Variants in ADAMTS16 observed in about 807,000 individuals in gnomAD.
ADAMTS16 encodes the protein A disintegrin and metalloproteinase with thrombospondin motifs 16.
In ADAMTS16, 94 loss-of-function variants were observed where a neutral mutation model predicts 145.8. That is an observed-to-expected ratio of 0.64 (90% CI 0.55 to 0.77). The LOEUF is 0.77. Among genes scored for constraint, ADAMTS16 ranks in the 30% least tolerant of loss-of-function variants. ADAMTS16 has a pLI of 0.00. For synonymous variants in ADAMTS16, 659 were observed against 604.3 expected (o/e 1.09, Z -1.33); for missense variants, 1,585 against 1,591.5 (o/e 1.00, Z 0.07).
chr5:5,239,178 T>A lies in ADAMTS16; in HGVS notation c.2182T>A (p.Ser728Thr). 1.3e-6 allele frequency: 2 copies of A among 1,587,130 alleles called. No homozygotes were observed. The highest frequency in any genetic ancestry group is 1.7e-6 in the Non-Finnish European group (2 of 1,168,596). The change falls in exon 15 of 23, where the codon TCT (serine) becomes ACT (threonine). Residue 728 changes from serine (S) to threonine (T), a missense_variant. Coordinates refer to ENST00000274181, the MANE Select transcript of ADAMTS16 (RefSeq NM_139056.4). ...ERVGCDNVLG[S>T]DAVEDVCGVC... is the part of the protein sequence containing the mutation. ...AGTTGGATGTGACAATGTCCTTGGA[T>A]CTGATGCTGTTGAAGACGTCTGTGG...
intron 21 of ADAMTS16, among the ~76,000 whole-genome samples, chr5:5,311,032 T>C (rs890645181): frequency 1.3e-5 from 2 of 151,976 alleles, no homozygotes; most frequent in African/African-American, 4.8e-5. Context: ...GCAATTGGAC[T>C]CCTCCCGTGT....
intron 3 of ADAMTS16, among the ~76,000 whole-genome samples, chr5:5,150,383 G>C (rs140781274): frequency 8.5e-5 from 13 of 152,308 alleles, no homozygotes; most frequent in African/African-American, 3.1e-4. Flanking sequence ...TTATTACTTA[G>C]AGATAGGTAG....
chr5:5,285,702 G>T (rs897484597), intron 18 of ADAMTS16, among the ~76,000 whole-genome samples: 3 of 152,212 alleles, frequency 2.0e-5, no homozygotes, highest in African/African-American at 7.2e-5. Flanking sequence ...TCTGACTGTA[G>T]ATGGTTCAGA....
In ADAMTS16 at chr5:5,211,257, G is replaced by A. The variant is rs374848738; in HGVS notation, c.1605+2011G>A. 1.5e-3 allele frequency among the ~76,000 whole-genome samples: 234 copies of A among 152,164 alleles called. 1 individual carries two copies. Among genetic ancestry groups the A allele is most frequent in the African/African-American group, 3.8e-3 (157 of 41,526 alleles). On this transcript the variant is annotated intron_variant, in intron 10 of 22. Coordinates refer to ENST00000274181, the MANE Select transcript of ADAMTS16 (RefSeq NM_139056.4). The stretch of plus-strand genomic sequence containing the variant: ...TGATTCAACTACACTAATAGATAAA[G>A]GGTTATTCAGAAGACACTCCTAACT...
intron 18 of ADAMTS16, among the ~76,000 whole-genome samples, chr5:5,272,885 C>A (rs1738537883): frequency 6.6e-6 from 1 of 152,208 alleles, no homozygotes; most frequent in African/African-American, 2.4e-5. Flanking sequence ...GGGTGTGAGC[C>A]TCCAAGGTCC....
chr5:5,289,636 T>C (rs536165718), intron 18 of ADAMTS16, among the ~76,000 whole-genome samples: 14 of 152,358 alleles, frequency 9.2e-5, no homozygotes, highest in African/African-American at 3.1e-4. Flanking sequence ...ATAAGTAGAA[T>C]TGGTTAAATC....
At chr5:5,287,688 G>C (rs571594806) in intron 18 of ADAMTS16, among the ~76,000 whole-genome samples, 1 of 152,350 alleles carries the variant, frequency 6.6e-6, no homozygotes, top group African/African-American at 2.4e-5. Context: ...GACGGTGTCA[G>C]CTTGCTTGCG....
intron 12 of ADAMTS16, among the ~76,000 whole-genome samples, chr5:5,234,148 A>C (rs10067097): frequency 0.41 from 62,073 of 152,112 alleles, 12,933 homozygotes; most frequent in African/African-American, 0.49. Flanking sequence ...CCCCTACGCC[A>C]CGCTGTACCC....
rs1289137558 is a variant in ADAMTS16 at position 5,317,961 on chromosome 5, C to T, written c.3412-173C>T. Reference sequence around the variant, plus strand: ...GCTTCTGGAAAAGGTGAGCAGGGACCGTGCTCACTCGCGCACATCGTGGCC... The same window carrying T: ...GCTTCTGGAAAAGGTGAGCAGGGACTGTGCTCACTCGCGCACATCGTGGCC... On this transcript the variant is annotated intron_variant, in intron 21 of 22. Transcript: ENST00000274181. The surrounding 1 kb of genome is among the most constrained non-coding windows in gnomAD (Gnocchi z 4.5). Among the ~76,000 whole-genome samples the T allele has an allele frequency of 6.6e-6, 1 of 152,228 alleles. No homozygotes were observed. The highest frequency in any genetic ancestry group is 1.5e-5 in the Non-Finnish European group (1 of 68,034).
chr5:5,241,600 T>G (rs923227003), intron 16 of ADAMTS16, among the ~76,000 whole-genome samples: 4 of 152,190 alleles, frequency 2.6e-5, no homozygotes, highest in African/African-American at 7.2e-5. Context: ...TTTGCTCAGA[T>G]GCAGGGATTT....
At chr5:5,221,298 C>G (rs1736598946) in intron 10 of ADAMTS16, among the ~76,000 whole-genome samples, 2 of 152,022 alleles carry the variant, frequency 1.3e-5, no homozygotes, top group South Asian at 4.1e-4. Context: ...ACAGAGGCCC[C>G]TGACACCATA....
chr5:5,153,123 T>C (rs1294755071), intron 3 of ADAMTS16, among the ~76,000 whole-genome samples: 3 of 152,230 alleles, frequency 2.0e-5, no homozygotes, highest in Admixed American at 1.3e-4. Context: ...TGAATTTGCA[T>C]TGTGTCACCT....
chr5:5,188,695 A>G (rs1579298187), intron 6 of ADAMTS16, among the ~76,000 whole-genome samples: 1 of 152,184 alleles, frequency 6.6e-6, no homozygotes, highest in Non-Finnish European at 1.5e-5. Context: ...AAGATCTAAG[A>G]TGCCTTCGAT....
At chr5:5,292,751 G>A (rs1739383946) in intron 18 of ADAMTS16, among the ~76,000 whole-genome samples, 2 of 152,024 alleles carry the variant, frequency 1.3e-5, no homozygotes, top group South Asian at 4.1e-4. Flanking sequence ...TTGCCCTGCT[G>A]TCACCATAAC....
chr5:5,140,455 G>T lies in ADAMTS16; in HGVS notation c.-13G>T. 8.6e-6 allele frequency: 13 copies of T among 1,504,106 alleles called. No individual in the cohort carries two copies. The highest frequency in any genetic ancestry group is 9.7e-6 in the Non-Finnish European group (11 of 1,134,968). 93.2% of individuals were successfully genotyped at this position (1,504,106 alleles called of 1,614,324 possible). ...ACCCTCCGGTGGCCCCTAGCCCCTC[G>T]GAGCGCTCCTGGATGAAGCCCCGCG... On this transcript the variant is annotated 5_prime_UTR_variant, in exon 1 of 23. Transcript: ENST00000274181.
Position 5,146,210 on chromosome 5 carries a change from A to C in ADAMTS16, c.256A>C (p.Arg86=), listed in dbSNP as rs765390934. 10 of 1,614,044 alleles carry C rather than the reference A, an allele frequency of 6.2e-6. No individual in the cohort carries two copies. The highest frequency in any genetic ancestry group is 7.6e-6 in the Non-Finnish European group (9 of 1,180,034). ...TGAAATCATGCACCATCAGCGGCGGAGAAGAGCAGTGCCCGTGTCCGAGGT... is the reference window on the plus strand; with the variant it reads ...TGAAATCATGCACCATCAGCGGCGGCGAAGAGCAGTGCCCGTGTCCGAGGT... ...SHEIMHHQRR[R]RAVPVSEVES... The change falls in exon 3 of 23, where the codon AGA becomes CGA. Residue 86 remains arginine, a synonymous_variant. Coordinates refer to ENST00000274181, the MANE Select transcript of ADAMTS16 (RefSeq NM_139056.4).
At chr5:5,151,529 T>C (rs1842234) in intron 3 of ADAMTS16, among the ~76,000 whole-genome samples, 151,612 of 152,156 alleles carry the variant, frequency 1, 75,556 homozygotes, top group Middle Eastern at 1. Flanking sequence ...TGAACCACTG[T>C]ACCTGGCCCA....
chr5:5,172,291 G>A (rs2126543960), intron 3 of ADAMTS16, among the ~76,000 whole-genome samples: 2 of 151,280 alleles, frequency 1.3e-5, no homozygotes, highest in East Asian at 1.9e-4. Flanking sequence ...TTAATTTTTG[G>A]TTTTGTTTGC....
At chr5:5,150,469 T>G (rs1418472821) in intron 3 of ADAMTS16, among the ~76,000 whole-genome samples, 2 of 152,238 alleles carry the variant, frequency 1.3e-5, no homozygotes, top group Non-Finnish European at 2.9e-5. Flanking sequence ...CCTGAGTGGA[T>G]GAAGTCTTGT....
Sources: gnomAD v4.1 joint callset for allele counts (sites outside exome capture counted in the v4.1 genomes callset) on GRCh38, gnomAD v4.1.1 for gene constraint, Gnocchi (gnomAD v3.1) non-coding constraint, MANE v1.5 for transcripts, NCBI Gene and HGNC (gene_info 2026-07-23, HGNC 2026-07-21) for gene names.